NFIB: variants seen among roughly 807,000 people sequenced by gnomAD.
NFIB encodes the protein nuclear factor I B.
In NFIB, 11 loss-of-function variants were observed where a neutral mutation model predicts 61.5. The observed-to-expected ratio is 0.18, with a 90% CI of 0.11 to 0.30. The LOEUF is 0.30. NFIB is among the 10% of genes least tolerant of loss of function. NFIB has a pLI of 1.00. For missense variants in NFIB, 471 were observed against 608.9 expected (o/e 0.77, Z 2.38); for synonymous variants, 260 against 216.5 (o/e 1.20, Z -1.76).
chr9:14,123,763 T>TA (rs2039258306), intron 7 of NFIB, among the ~76,000 whole-genome samples: 1 of 151,702 alleles, frequency 6.6e-6, no homozygotes, highest in African/African-American at 2.4e-5. Context: ...CTCTTCCTCT[T>TA]AGTTTGCCCC....
intron 2 of NFIB, among the ~76,000 whole-genome samples, chr9:14,213,595 T>C (rs1252745943): frequency 1.3e-5 from 2 of 152,174 alleles, no homozygotes; most frequent in African/African-American, 4.8e-5. Context: ...TGCTACACAG[T>C]AACATGGGAA....
chr9:14,231,651 A>C (rs2053206734), intron 2 of NFIB, among the ~76,000 whole-genome samples: 1 of 152,192 alleles, frequency 6.6e-6, no homozygotes, highest in Non-Finnish European at 1.5e-5. Flanking sequence ...GATTTATATT[A>C]ATGAGAGGTT....
At chr9:14,150,085 A>T in intron 5 of NFIB, 60 bp downstream of exon 5, 1 of 1,602,920 alleles carries the variant, frequency 6.2e-7, no homozygotes, top group Non-Finnish European at 8.5e-7. Flanking sequence ...TCTGCCTATC[A>T]TCCACCTACG....
At position 14,215,755 on chromosome 9, in the gene NFIB, C is replaced by A. The variant is rs543150089; in HGVS notation, c.563-35975G>T. Among the ~76,000 whole-genome samples the A allele has an allele frequency of 1.9e-4, 29 of 152,220 alleles. 1 individual carries two copies. Among genetic ancestry groups the A allele is most frequent in the African/African-American group, 7.0e-4 (29 of 41,536 alleles). On this transcript the variant is annotated intron_variant, in intron 2 of 10. Coordinates refer to ENST00000380953, the MANE Select transcript of NFIB (RefSeq NM_001190737.2). ...CCTCTGTAATACTCCAATTGTATTA[C>A]CAAAAGCAAACATTACTTTTGTTAT...
chr9:14,340,039 C>T (rs1491001527), intron 1 of NFIB, among the ~76,000 whole-genome samples: 3 of 152,136 alleles, frequency 2.0e-5, no homozygotes, highest in African/African-American at 4.8e-5. Context: ...CAGACTGAGG[C>T]CCAAAGAGGT....
chr9:14,402,909 C>G (rs1207814126), upstream of NFIB, among the ~76,000 whole-genome samples: 1 of 152,054 alleles, frequency 6.6e-6, no homozygotes, highest in Non-Finnish European at 1.5e-5. Context: ...TCATCTTATC[C>G]TGCAACAAAA....
At chr9:14,094,120 G>C (rs1318928648) in intron 10 of NFIB, 2 of 152,024 alleles carry the variant, frequency 1.3e-5, no homozygotes, top group Non-Finnish European at 2.9e-5. Flanking sequence ...TAGAAGGCAG[G>C]ATTTGAATTC....
rs71476215 is a variant in NFIB at position 14,182,724 on chromosome 9, G to C, written c.563-2944C>G. ...TCTCTCTCTCTGTGTGTGTGTGTGT[G>C]TGTGTGTGTGTGTGTGTGTGTGTGT... On this transcript the variant is annotated intron_variant, in intron 2 of 10. Coordinates refer to ENST00000380953, the MANE Select transcript of NFIB (RefSeq NM_001190737.2). Among the ~76,000 whole-genome samples the C allele has an allele frequency of 8.9e-3, 1,308 of 146,904 alleles. 12 individuals are homozygous for C. The highest frequency in any genetic ancestry group is 0.035 in the South Asian group (154 of 4,428).
intron 6 of NFIB, 54 bp from the exon 7 acceptor site, chr9:14,125,820 T>A: frequency 1.9e-6 from 3 of 1,585,636 alleles, no homozygotes; most frequent in Non-Finnish European, 2.6e-6. Flanking sequence ...AGCTCTAAGG[T>A]TCATGTCAAC....
intron 1 of NFIB, among the ~76,000 whole-genome samples, chr9:14,352,701 G>A (rs946603991): frequency 5.3e-5 from 8 of 152,314 alleles, no homozygotes; most frequent in Middle Eastern, 3.4e-3. Flanking sequence ...AGATTTCACT[G>A]CTTATCTCTC....
At chr9:14,210,820 G>A (rs1445653387) in intron 2 of NFIB, among the ~76,000 whole-genome samples, 3 of 152,102 alleles carry the variant, frequency 2.0e-5, no homozygotes, top group Admixed American at 1.3e-4. Flanking sequence ...TCATCACTGA[G>A]TCCTAAAAAA....
chr9:14,284,915 T>C (rs2132471101), intron 2 of NFIB, among the ~76,000 whole-genome samples: 1 of 152,264 alleles, frequency 6.6e-6, no homozygotes, highest in Admixed American at 6.5e-5. Flanking sequence ...GGACATTTTA[T>C]TTGCCCTATG....
chr9:14,321,268 T>C (rs2060652967), intron 1 of NFIB, among the ~76,000 whole-genome samples: 1 of 151,040 alleles, frequency 6.6e-6, no homozygotes, highest in African/African-American at 2.4e-5. Flanking sequence ...GCAGCAAAAA[T>C]AGCGGGGTTG....
chr9:14,434,652 G>A, the NFIB span, among the ~76,000 whole-genome samples: 1 of 152,152 alleles, frequency 6.6e-6, no homozygotes, highest in Admixed American at 6.5e-5. Context: ...AGCAAGAAAA[G>A]CTTCCCAATA....
intron 2 of NFIB, among the ~76,000 whole-genome samples, chr9:14,225,985 A>C (rs2052362420): frequency 6.6e-6 from 1 of 152,222 alleles, no homozygotes; most frequent in Non-Finnish European, 1.5e-5. Flanking sequence ...AATTTTTAAC[A>C]CTAATTCAGA....
chr9:14,452,460 AGG>A, the NFIB span, among the ~76,000 whole-genome samples: 18 of 40,466 alleles, frequency 4.4e-4, no homozygotes, highest in South Asian at 1.7e-3. Context: ...AGGAAAGGAA[AGG>A]AAAGGAAAGG....
At chr9:14,088,975 C>CA (rs2118487126) in intron 10 of NFIB, among the ~76,000 whole-genome samples, 1 of 152,164 alleles carries the variant, frequency 6.6e-6, no homozygotes, top group Admixed American at 6.5e-5. Context: ...ATCATAGAAC[C>CA]AAAATGGAAC....
At chr9:14,236,473 G>C (rs1209427526) in intron 2 of NFIB, among the ~76,000 whole-genome samples, 1 of 152,174 alleles carries the variant, frequency 6.6e-6, no homozygotes, top group African/African-American at 2.4e-5. Flanking sequence ...GTGTGAGTGA[G>C]GGGTTGATAG....
At chr9:14,305,414 A>T (rs2059965335) in intron 2 of NFIB, among the ~76,000 whole-genome samples, 2 of 152,218 alleles carry the variant, frequency 1.3e-5, no homozygotes, top group Admixed American at 1.3e-4. Flanking sequence ...ACACATATAT[A>T]CAGCCCACCT....
Sources: allele counts gnomAD v4.1 joint callset (sites outside exome capture counted in the v4.1 genomes callset), GRCh38; gene constraint gnomAD v4.1.1; transcripts MANE v1.5; gene names NCBI Gene and HGNC (gene_info 2026-07-23, HGNC 2026-07-21).